Variants in TTC6 observed in about 807,000 individuals in gnomAD.
TTC6 encodes the protein tetratricopeptide repeat protein 6.
TTC6 carries 172 observed loss-of-function variants against 210.4 expected under a neutral mutation model. The ratio of observed to expected loss-of-function variants is 0.82; its 90% CI spans 0.72 to 0.93. TTC6 has a LOEUF of 0.93. Ranked by LOEUF, TTC6 falls within the 40% of genes least tolerant of loss-of-function variation. The pLI is 0.00. For synonymous variants in TTC6, 804 were observed against 819.6 expected, an observed-to-expected ratio of 0.98 and a Z score of 0.32; for missense variants, 2,414 against 2,318.1, an observed-to-expected ratio of 1.04 and a Z score of -0.85.
chr14:37,651,733 C>T (rs1478115571), intron 1 of TTC6, among the ~76,000 whole-genome samples: 1 of 151,826 alleles, frequency 6.6e-6, no homozygotes, highest in Non-Finnish European at 1.5e-5. Context: ...CTGCAGTGTG[C>T]TGTGATTGCT....
intron 1 of TTC6, among the ~76,000 whole-genome samples, chr14:37,633,812 G>A (rs565767857): frequency 1.3e-5 from 2 of 152,258 alleles, no homozygotes; most frequent in South Asian, 4.2e-4. Context: ...ACTAGGATGG[G>A]ATCAGCAGAG....
At chr14:37,804,578 A>G in intron 20 of TTC6, 102 bp from the exon 23 acceptor site, 1 of 1,396,812 alleles carries the variant, frequency 7.2e-7, no homozygotes, top group Non-Finnish European at 9.7e-7. Context: ...GTAAGAGTAG[A>G]GGTGTGTGCT....
At chr14:37,663,324 T>A (rs2095741212) in intron 1 of TTC6, among the ~76,000 whole-genome samples, 1 of 152,036 alleles carries the variant, frequency 6.6e-6, no homozygotes, top group African/African-American at 2.4e-5. Flanking sequence ...TTTCTAGATA[T>A]ACTGAAAAAG....
At chr14:37,810,301 A>C (rs1168475877) in intron 24 of TTC6, among the ~76,000 whole-genome samples, 1 of 152,232 alleles carries the variant, frequency 6.6e-6, no homozygotes. Flanking sequence ...CTGAATAGGA[A>C]AACAATGGGC....
chr14:37,648,516 T>C (rs1176442506), intron 1 of TTC6, among the ~76,000 whole-genome samples: 1 of 152,190 alleles, frequency 6.6e-6, no homozygotes, highest in African/African-American at 2.4e-5. Flanking sequence ...TCTTTTTTTT[T>C]CTTCTACTGC....
chr14:37,729,251 T>C (rs2095879925), intron 7 of TTC6, among the ~76,000 whole-genome samples: 1 of 152,216 alleles, frequency 6.6e-6, no homozygotes, highest in Admixed American at 6.5e-5. Flanking sequence ...TTGAAAAATA[T>C]GTCATGAGCT....
intron 1 of TTC6, among the ~76,000 whole-genome samples, chr14:37,626,392 A>G (rs1188204543): frequency 6.6e-6 from 1 of 152,220 alleles, no homozygotes; most frequent in Non-Finnish European, 1.5e-5. Context: ...TATGACCTAG[A>G]TAAGAGAAAA....
chr14:37,711,662 C>T (rs878928543), intron 5 of TTC6, among the ~76,000 whole-genome samples: 2 of 152,110 alleles, frequency 1.3e-5, no homozygotes, highest in Non-Finnish European at 2.9e-5. Context: ...AAGACCCTTA[C>T]TGCCAGGGTC....
intron 14 of TTC6, among the ~76,000 whole-genome samples, chr14:37,769,811 G>C (rs1308377373): frequency 1.3e-5 from 2 of 151,918 alleles, no homozygotes; most frequent in African/African-American, 4.8e-5. Flanking sequence ...CTTCAGTTCT[G>C]CTCTGATATT....
At chr14:37,643,405 T>C (rs1473439079) in intron 1 of TTC6, among the ~76,000 whole-genome samples, 1 of 152,156 alleles carries the variant, frequency 6.6e-6, no homozygotes, top group African/African-American at 2.4e-5. Context: ...TTGTTGAGAA[T>C]TTTCAACTTG....
intron 5 of TTC6, among the ~76,000 whole-genome samples, chr14:37,701,859 A>AG (rs1193104657): frequency 6.6e-6 from 1 of 152,196 alleles, no homozygotes; most frequent in Non-Finnish European, 1.5e-5. Flanking sequence ...AGCTACACAT[A>AG]GACAATTTAA....
At chr14:37,772,181 GCTGGGAGAACCACTGCT>G (rs1193809617) in intron 14 of TTC6, among the ~76,000 whole-genome samples, 1 of 152,188 alleles carries the variant, frequency 6.6e-6, no homozygotes, top group African/African-American at 2.4e-5. Flanking sequence ...CCAGCTGCGT[GCTGGGAGAACCACTGCT>G]CTCTTCAAAG....
chr14:37,813,879 A>G lies in TTC6; in HGVS notation c.4689+1446A>G, dbSNP rs75785785. On this transcript the variant is annotated intron_variant, in intron 25 of 30. Coordinates refer to ENST00000553443, the Ensembl canonical transcript of TTC6. ...CATATTTTGAATTAAATCATTTCTC[A>G]TAATTGCCACTGCTATCTTCCTTTC... 3.5e-3 allele frequency among the ~76,000 whole-genome samples: 540 copies of G among 152,262 alleles called. 2 individuals carry two copies. Among genetic ancestry groups the G allele is most frequent in the African/African-American group, 0.011 (459 of 41,542 alleles).
intron 29 of TTC6, among the ~76,000 whole-genome samples, chr14:37,836,119 G>A (rs778936788): frequency 1.3e-5 from 2 of 152,250 alleles, no homozygotes; most frequent in African/African-American, 2.4e-5. Context: ...CCTCAGCCGA[G>A]CTTTCTTCAT....
At chr14:37,699,703 C>T (rs34025372) in intron 4 of TTC6, among the ~76,000 whole-genome samples, 1 of 152,154 alleles carries the variant, frequency 6.6e-6, no homozygotes, top group African/African-American at 2.4e-5. Context: ...AGGAACACAC[C>T]TGAGCAACCC....
intron 14 of TTC6, among the ~76,000 whole-genome samples, chr14:37,780,942 T>A (rs1434835702): frequency 6.6e-6 from 1 of 152,224 alleles, no homozygotes; most frequent in Non-Finnish European, 1.5e-5. Context: ...TCCATGTCCC[T>A]GCAAAGGATG....
intron 14 of TTC6, among the ~76,000 whole-genome samples, chr14:37,779,150 C>T (rs2096047078): frequency 1.3e-5 from 2 of 152,154 alleles, no homozygotes; most frequent in African/African-American, 2.4e-5. Context: ...TCATCCTTTC[C>T]CCAGGAGTCA....
chr14:37,603,707 C>A (rs1390341868), intron 1 of TTC6, among the ~76,000 whole-genome samples: 2 of 152,238 alleles, frequency 1.3e-5, no homozygotes, highest in African/African-American at 4.8e-5. Flanking sequence ...TCTACACACT[C>A]CTCTCCCTAG....
In TTC6 at chr14:37,826,756, C is replaced by T. The variant is rs144034321; in HGVS notation, c.5127+409C>T. On this transcript the variant is annotated intron_variant, in intron 28 of 30. Coordinates refer to ENST00000553443, the Ensembl canonical transcript of TTC6. ...CATGTTGAATGCAGTGACAGAAACT[C>T]TTCTTTACTTCTAGCTTTTGGGTTT... is the stretch of plus-strand genomic sequence containing the variant. 3.3e-5 allele frequency among the ~76,000 whole-genome samples: 5 copies of T among 152,166 alleles called. No individual in the cohort carries two copies. The East Asian group carries it at 9.7e-4, about 29-fold the overall frequency.
Sources: allele counts gnomAD v4.1 joint callset (sites outside exome capture counted in the v4.1 genomes callset), GRCh38; gene constraint gnomAD v4.1.1; transcripts MANE v1.5; gene names NCBI Gene and HGNC (gene_info 2026-07-23, HGNC 2026-07-21).